The following PSMD1 variants were observed in gnomAD, a reference collection of about 807,000 sequenced individuals.
PSMD1 encodes proteasome 26S subunit, non-ATPase 1, also known as 26S proteasome non-ATPase regulatory subunit 1.
Under a neutral mutation model 119.0 loss-of-function variants are expected in PSMD1, and 18 were observed. That is an observed-to-expected ratio of 0.15 (90% CI 0.10 to 0.22). PSMD1 has a LOEUF of 0.22. PSMD1 is among the 10% of genes least tolerant of loss of function. The pLI is 1.00. For synonymous variants in PSMD1, 374 were observed against 396.6 expected (o/e 0.94, Z 0.68); for missense variants, 702 against 1,158.5 (o/e 0.61, Z 5.72).
At chr2:231,153,521 A>G (rs1696416546) in intron 18 of PSMD1, 43 bp from the exon 19 acceptor site, 1 of 1,368,344 alleles carries the variant, frequency 7.3e-7, no homozygotes, top group African/African-American at 1.4e-5. Flanking sequence ...TGGTACCGCA[A>G]ATGAGTAGAC....
chr2:231,126,027 C>A (rs1695710935), intron 16 of PSMD1, among the ~76,000 whole-genome samples: 1 of 152,062 alleles, frequency 6.6e-6, no homozygotes, highest in Admixed American at 6.6e-5. Context: ...AGAAAAAATA[C>A]TTGTGAAGAA....
intron 11 of PSMD1, 144 bp from the exon 12 acceptor site, chr2:231,079,997 A>G (rs1289584332): frequency 9.1e-6 from 6 of 659,786 alleles, no homozygotes; most frequent in Non-Finnish European, 1.2e-5. Context: ...TTTGAGTTAT[A>G]CAATTATATG....
At chr2:231,117,307 A>T (rs1695376567) in intron 16 of PSMD1, among the ~76,000 whole-genome samples, 1 of 152,104 alleles carries the variant, frequency 6.6e-6, no homozygotes, top group South Asian at 2.1e-4. Context: ...AGACATTGAA[A>T]ATTTGAAATA....
In PSMD1 at chr2:231,071,314, T is replaced by C. The variant is rs533785016; in HGVS notation, c.655-875T>C. Among the ~76,000 whole-genome samples, 5 of 152,180 alleles carry C rather than the reference T, an allele frequency of 3.3e-5. No homozygotes were observed. In the East Asian group the frequency reaches 9.6e-4, roughly 29 times the overall value. Reference sequence around the variant, plus strand: ...ACTTTATTGCTCATTTTTAAAATAATATATTTTTGAGCAGATAATATGTTC... The same window carrying C: ...ACTTTATTGCTCATTTTTAAAATAACATATTTTTGAGCAGATAATATGTTC... On this transcript the variant is annotated intron_variant, in intron 6 of 24. Coordinates refer to ENST00000308696, the MANE Select transcript of PSMD1 (RefSeq NM_002807.4).
intron 16 of PSMD1, among the ~76,000 whole-genome samples, chr2:231,091,838 G>A (rs113685686): frequency 0.021 from 3,245 of 152,184 alleles, 124 homozygotes; most frequent in African/African-American, 0.074. Flanking sequence ...CTATGTATTG[G>A]TTGATTCCAA....
chr2:231,123,567 T>C (rs904434197), intron 16 of PSMD1: 30 of 1,613,966 alleles, frequency 1.9e-5, no homozygotes, highest in Admixed American at 5.0e-5. Context: ...CAATTGTGGG[T>C]ATTATCACCA....
intron 23 of PSMD1, among the ~76,000 whole-genome samples, chr2:231,167,842 C>T (rs1284879774): frequency 6.6e-6 from 1 of 152,188 alleles, no homozygotes; most frequent in Admixed American, 6.5e-5. Context: ...TTTGAATAGA[C>T]ATTTCTCCAA....
chr2:231,086,072 G>A (rs1446834116), intron 15 of PSMD1, among the ~76,000 whole-genome samples: 7 of 150,262 alleles, frequency 4.7e-5, no homozygotes, highest in East Asian at 3.9e-4. Flanking sequence ...ACAGGGTTTC[G>A]CTCTATCATC....
chr2:231,079,986 GT>G (rs1438628553), intron 11 of PSMD1, among the ~76,000 whole-genome samples, 154 bp from the exon 12 acceptor site: 1 of 151,592 alleles, frequency 6.6e-6, no homozygotes, highest in East Asian at 1.9e-4. Context: ...TTGTCCTCTT[GT>G]TTGAGTTATA....
At chr2:231,079,316 G>A (rs1369103915) in intron 10 of PSMD1, among the ~76,000 whole-genome samples, 3 of 151,920 alleles carry the variant, frequency 2.0e-5, no homozygotes, top group Admixed American at 2.0e-4. Context: ...ATATAATTTT[G>A]TTTTTATTTA....
chr2:231,062,762 G>A (rs752953189), intron 4 of PSMD1, 87 bp downstream of exon 4: 2 of 1,133,612 alleles, frequency 1.8e-6, no homozygotes, highest in Non-Finnish European at 2.4e-6. Flanking sequence ...TGAATTTGAT[G>A]TTGCCAAATT....
At chr2:231,067,183 C>G (rs1482904117) in intron 5 of PSMD1, 72 bp downstream of exon 5, 1 of 1,168,826 alleles carries the variant, frequency 8.6e-7, no homozygotes, top group African/African-American at 1.6e-5. Context: ...CAAACTGAAA[C>G]TTTCATAGGC....
At chr2:231,108,510 A>G (rs1294495286) in intron 16 of PSMD1, 3 of 1,608,258 alleles carry the variant, frequency 1.9e-6, no homozygotes, top group Admixed American at 3.3e-5. Context: ...GACAACTGCC[A>G]GTTCTGCTAT....
intron 17 of PSMD1, among the ~76,000 whole-genome samples, chr2:231,146,026 GAC>G (rs568548728): frequency 6.7e-6 from 1 of 149,124 alleles, no homozygotes. Flanking sequence ...AAAAAACTAA[GAC>G]ACACATACAT....
intron 16 of PSMD1, among the ~76,000 whole-genome samples, chr2:231,096,574 T>C (rs778449352): frequency 1.3e-5 from 2 of 152,238 alleles, no homozygotes; most frequent in Non-Finnish European, 2.9e-5. Context: ...GGGAAACAAC[T>C]GTTACATATA....
At chr2:231,119,370 G>A (rs1288459110) in intron 16 of PSMD1, among the ~76,000 whole-genome samples, 1 of 152,076 alleles carries the variant, frequency 6.6e-6, no homozygotes, top group African/African-American at 2.4e-5. Flanking sequence ...AAGATGCTGG[G>A]CCCTGCTTGA....
rs755578236 is a variant in PSMD1 at position 231,067,004 on chromosome 2, A to G, written c.403A>G (p.Asn135Asp). 6.2e-7 allele frequency: 1 copy of G among 1,613,836 alleles called. No individual in the cohort carries two copies. Among genetic ancestry groups the G allele is most frequent in the Non-Finnish European group, 8.5e-7 (1 of 1,179,928 alleles). The change falls in exon 5 of 25, where the codon AAT (asparagine) becomes GAT (aspartate). Residue 135 changes from asparagine (N) to aspartate (D), a missense_variant. Coordinates refer to ENST00000308696, the MANE Select transcript of PSMD1 (RefSeq NM_002807.4). ...PIDQRLEGIV[N>D]KMFQRCLDDH... ...TGACCAGAGATTGGAAGGCATCGTA[A>G]ATAAAATGTTCCAGCGATGTCTAGA... is the stretch of plus-strand genomic sequence containing the variant.
At chr2:231,057,282 A>G (rs1309689693) in intron 1 of PSMD1, among the ~76,000 whole-genome samples, 1 of 152,060 alleles carries the variant, frequency 6.6e-6, no homozygotes, top group African/African-American at 2.4e-5. Context: ...ATCACACCCC[A>G]GCGCCAGGAC....
chr2:231,073,984 G>A (rs1404343007), intron 7 of PSMD1, among the ~76,000 whole-genome samples: 1 of 151,754 alleles, frequency 6.6e-6, no homozygotes, highest in East Asian at 1.9e-4. Flanking sequence ...TCCTTCTTTT[G>A]TAATCTTTAT....
Sources: allele counts gnomAD v4.1 joint callset (sites outside exome capture counted in the v4.1 genomes callset), GRCh38; gene constraint gnomAD v4.1.1; transcripts MANE v1.5; gene names NCBI Gene and HGNC (gene_info 2026-07-23, HGNC 2026-07-21).